Variants in FHAD1 observed in about 807,000 individuals in gnomAD.
FHAD1 encodes forkhead associated phosphopeptide binding domain 1, also known as forkhead-associated domain-containing protein 1.
FHAD1 carries 146 observed loss-of-function variants against 191.3 expected under a neutral mutation model. The ratio of observed to expected loss-of-function variants is 0.76; its 90% CI spans 0.67 to 0.88. The LOEUF is 0.88. FHAD1 is among the 40% of genes least tolerant of loss of function. The pLI is 0.00. For synonymous variants in FHAD1, 616 were observed against 672.3 expected (o/e 0.92, Z 1.29); for missense variants, 1,635 against 1,785.8 (o/e 0.92, Z 1.52).
At chr1:15,354,865 T>G (rs545069435) in intron 20 of FHAD1, among the ~76,000 whole-genome samples, 189 of 152,230 alleles carry the variant, frequency 1.2e-3, no homozygotes, top group African/African-American at 4.3e-3. Context: ...CTTAGAGGAT[T>G]CTGCAAGAAG....
At chr1:15,306,552 G>GT (rs1448481705) in intron 6 of FHAD1, among the ~76,000 whole-genome samples, 1 of 152,220 alleles carries the variant, frequency 6.6e-6, no homozygotes, top group Non-Finnish European at 1.5e-5. Flanking sequence ...GGAAAAAGTG[G>GT]TTTTGTGGGC....
chr1:15,383,975 T>C, intron 31 of FHAD1: 1 of 358,018 alleles, frequency 2.8e-6, no homozygotes, highest in Non-Finnish European at 5.7e-6. Context: ...TGTGTGTGCA[T>C]TCTCGTGTGT....
intron 33 of FHAD1, among the ~76,000 whole-genome samples, chr1:15,396,676 G>A (rs569918607): frequency 2.0e-4 from 30 of 152,104 alleles, no homozygotes; most frequent in Admixed American, 1.6e-3. Context: ...CGGGTGTGGC[G>A]GCATGTGCCT....
intron 2 of FHAD1, among the ~76,000 whole-genome samples, chr1:15,271,439 C>A (rs1655931840): frequency 6.6e-6 from 1 of 152,220 alleles, no homozygotes; most frequent in African/African-American, 2.4e-5. Flanking sequence ...TTCACTCAGT[C>A]CTCTTATTAA....
At position 15,352,873 on chromosome 1, in the gene FHAD1, C is replaced by T. The variant is rs1691367352; in HGVS notation, c.2455-4C>T. ...GCCCTCAAACCACTTTCATTGACTT[C>T]CAGATCTCAGAGAGCAACATTGCGT... On this transcript the variant is annotated splice_region_variant and splice_polypyrimidine_tract_variant and intron_variant, in intron 19 of 33. Coordinates refer to ENST00000688493, the MANE Select transcript of FHAD1 (RefSeq NM_001391957.1). The T allele has an allele frequency of 6.4e-7, 1 of 1,550,534 alleles. No individual in the cohort carries two copies. Among genetic ancestry groups the T allele is most frequent in the African/African-American group, 1.4e-5 (1 of 73,044 alleles).
intron 4 of FHAD1, among the ~76,000 whole-genome samples, chr1:15,293,997 A>T (rs1362931172): frequency 1.3e-5 from 2 of 152,124 alleles, no homozygotes; most frequent in Admixed American, 1.3e-4. Context: ...CCGGGGTGTC[A>T]TCTGGGTGGG....
intron 14 of FHAD1, among the ~76,000 whole-genome samples, chr1:15,332,575 C>T (rs1481186683): frequency 6.6e-6 from 1 of 152,082 alleles, no homozygotes; most frequent in Non-Finnish European, 1.5e-5. Context: ...ATAAATTAGC[C>T]AGGCATGGTG....
chr1:15,360,613 A>G lies in FHAD1; in HGVS notation c.2872A>G (p.Ile958Val). 1 of 1,552,150 alleles carries G rather than the reference A, an allele frequency of 6.4e-7. No individual in the cohort carries two copies. Among genetic ancestry groups the G allele is most frequent in the Non-Finnish European group, 8.7e-7 (1 of 1,147,096 alleles). ...GCAAATCAAACAGCACGCCCAGACA[A>G]TTGTGAGCCTCGAAGAGAAACTCCA... is the stretch of plus-strand genomic sequence containing the variant. Reference protein sequence around the residue: ...KEQIKQHAQTIVSLEEKLQKV... With the variant: ...KEQIKQHAQTVVSLEEKLQKV... The change falls in exon 22 of 34, where the codon ATT (isoleucine) becomes GTT (valine). Residue 958 changes from isoleucine (I) to valine (V), a missense_variant. Transcript: ENST00000688493.
chr1:15,392,942 A>G (rs1704594959), intron 33 of FHAD1, among the ~76,000 whole-genome samples: 1 of 152,146 alleles, frequency 6.6e-6, no homozygotes, highest in Admixed American at 6.6e-5. Context: ...AAAAAGAGAG[A>G]CTGCCCTGGC....
intron 2 of FHAD1, among the ~76,000 whole-genome samples, chr1:15,271,186 G>A (rs1319375290): frequency 2.1e-5 from 3 of 144,208 alleles, no homozygotes; most frequent in Non-Finnish European, 3.0e-5. Context: ...GGTAGCACAT[G>A]CCTGTAGTCC....
chr1:15,380,845 C>T, intron 29 of FHAD1, 49 bp downstream of exon 29: 1 of 1,409,698 alleles, frequency 7.1e-7, no homozygotes, highest in South Asian at 1.2e-5. Context: ...CCTGGGGCCC[C>T]TGCAGTCAGT....
chr1:15,258,582 C>CTTT (rs779893446), intron 2 of FHAD1, among the ~76,000 whole-genome samples: 2 of 139,330 alleles, frequency 1.4e-5, no homozygotes, highest in African/African-American at 5.3e-5. Flanking sequence ...ATCTCTGTCT[C>CTTT]TCTTTTTTTT....
At chr1:15,350,229 C>T (rs1338151804) in intron 19 of FHAD1, among the ~76,000 whole-genome samples, 1 of 152,270 alleles carries the variant, frequency 6.6e-6, no homozygotes, top group Non-Finnish European at 1.5e-5. Flanking sequence ...CAGACCAGGG[C>T]CAGGCTGCCA....
At position 15,324,416 on chromosome 1, in the gene FHAD1, A is replaced by G. The variant is rs148767684; in HGVS notation, c.1366-36A>G. 507 of 1,471,882 alleles carry G rather than the reference A, an allele frequency of 3.4e-4. 1 individual carries two copies. The African/African-American group carries it at 6.1e-3, about 18-fold the overall frequency. 91.2% of individuals were successfully genotyped at this position (1,471,882 alleles called of 1,614,324 possible). A position where few individuals can be genotyped will look rare whatever the true frequency, so the allele number is the denominator to read the frequency against. ...TCTCCCCAGAGTGCATTATGATCACATTAGCAGCAAGTACTCGCTTTCATC... is the reference window on the plus strand; with the variant it reads ...TCTCCCCAGAGTGCATTATGATCACGTTAGCAGCAAGTACTCGCTTTCATC... On this transcript the variant is annotated intron_variant, in intron 10 of 33. Coordinates refer to ENST00000688493, the MANE Select transcript of FHAD1 (RefSeq NM_001391957.1).
rs1420875648 is a variant in FHAD1 at position 15,329,608 on chromosome 1, T to C, written c.1906+67T>C. 1.4e-6 allele frequency: 2 copies of C among 1,420,472 alleles called. No homozygotes were observed. The highest frequency in any genetic ancestry group is 5.0e-5 in the East Asian group (2 of 39,858). 88.0% of individuals were successfully genotyped at this position (1,420,472 alleles called of 1,614,324 possible). ...AATGTCGCGTTGAATCTCAGCATGA[T>C]GGGACATCTGTTGAGGAAGTCTTCC... On this transcript the variant is annotated intron_variant, in intron 14 of 33. Transcript: ENST00000688493. This position sits in a 1 kb window ranked among gnomAD's most constrained non-coding sequence, Gnocchi z 5.0.
chr1:15,344,986 C>T (rs1211861104), intron 16 of FHAD1, 97 bp from the exon 17 acceptor site: 15 of 886,126 alleles, frequency 1.7e-5, no homozygotes, highest in Non-Finnish European at 2.4e-5. Flanking sequence ...CAGGGGAGTG[C>T]GGTGAGGAGT....
At chr1:15,334,200 G>A (rs1055926108) in intron 14 of FHAD1, 1 of 152,044 alleles carries the variant, frequency 6.6e-6, no homozygotes, top group Non-Finnish European at 1.5e-5. Context: ...TGGTACATTA[G>A]GGTTAAGACT....
intron 26 of FHAD1, among the ~76,000 whole-genome samples, chr1:15,372,262 G>A (rs990649891): frequency 6.6e-5 from 10 of 152,186 alleles, no homozygotes; most frequent in Admixed American, 1.3e-4. Flanking sequence ...TCCCAGGAGG[G>A]CCTCAGACGG....
intron 14 of FHAD1, among the ~76,000 whole-genome samples, chr1:15,331,721 G>C (rs28445873): frequency 6.6e-6 from 1 of 150,774 alleles, no homozygotes; most frequent in Non-Finnish European, 1.5e-5. Context: ...GAAGGCAGGA[G>C]GGAAGGCAGG....
Sources: gnomAD v4.1 joint callset for allele counts (sites outside exome capture counted in the v4.1 genomes callset) on GRCh38, gnomAD v4.1.1 for gene constraint, Gnocchi (gnomAD v3.1) non-coding constraint, MANE v1.5 for transcripts, NCBI Gene and HGNC (gene_info 2026-07-23, HGNC 2026-07-21) for gene names.